ADGRL3: variants seen among roughly 807,000 people sequenced by gnomAD.
The protein encoded by ADGRL3 is adhesion G protein-coupled receptor L3.
A neutral mutation model predicts 153.5 loss-of-function variants in ADGRL3; 62 were observed. The observed-to-expected ratio is 0.40, with a 90% CI of 0.33 to 0.50. The LOEUF is 0.50. Among genes scored for constraint, ADGRL3 ranks in the 20% least tolerant of loss-of-function variants. ADGRL3 has a pLI of 0.47. For missense variants in ADGRL3, 1,641 were observed against 1,859.4 expected, an observed-to-expected ratio of 0.88 and a Z score of 2.16; for synonymous variants, 710 against 672.5, an observed-to-expected ratio of 1.06 and a Z score of -0.86.
intron 19 of ADGRL3, among the ~76,000 whole-genome samples, chr4:61,987,395 G>A (rs772062791): frequency 4.6e-5 from 7 of 151,768 alleles, no homozygotes; most frequent in Admixed American, 1.3e-4. Context: ...GGCTGGTCTC[G>A]AACTCCCAAC....
chr4:61,252,690 CTT>C (rs5858685), intron 1 of ADGRL3, among the ~76,000 whole-genome samples: 46 of 148,026 alleles, frequency 3.1e-4, no homozygotes, highest in Non-Finnish European at 2.8e-4. Context: ...ATTAGATGAA[CTT>C]TTTTTTTTTT....
intron 23 of ADGRL3, among the ~76,000 whole-genome samples, chr4:62,036,176 TTTTGCC>T (rs1724872236): frequency 6.6e-6 from 1 of 152,088 alleles, no homozygotes; most frequent in Non-Finnish European, 1.5e-5. Flanking sequence ...AAATAAGTAA[TTTTGCC>T]ATACCAGAGC....
intron 1 of ADGRL3, among the ~76,000 whole-genome samples, chr4:61,292,207 A>G (rs1038436726): frequency 1.6e-4 from 25 of 152,018 alleles, no homozygotes; most frequent in African/African-American, 5.1e-4. Context: ...AATTAAAACT[A>G]TAACCTTAAG....
chr4:61,985,807 C>T (rs2099083297), intron 19 of ADGRL3, among the ~76,000 whole-genome samples: 1 of 151,714 alleles, frequency 6.6e-6, no homozygotes, highest in Non-Finnish European at 1.5e-5. Flanking sequence ...TCTAAATATG[C>T]CAATAACTAT....
intron 1 of ADGRL3, among the ~76,000 whole-genome samples, chr4:61,267,029 TA>T (rs2149709043): frequency 6.6e-6 from 1 of 151,892 alleles, no homozygotes; most frequent in South Asian, 2.1e-4. Flanking sequence ...ATACTGAGCC[TA>T]ATAGTAGGTT....
intron 3 of ADGRL3, among the ~76,000 whole-genome samples, chr4:61,513,707 A>G (rs539199537): frequency 6.6e-6 from 1 of 152,308 alleles, no homozygotes; most frequent in East Asian, 1.9e-4. Flanking sequence ...TGTATGATTT[A>G]AAAGTTAAAA....
intron 2 of ADGRL3, among the ~76,000 whole-genome samples, chr4:61,490,623 C>A (rs556706841): frequency 1.4e-4 from 22 of 151,802 alleles, no homozygotes; most frequent in African/African-American, 5.1e-4. Context: ...CTCATTGTTG[C>A]TGCTGACTAA....
intron 1 of ADGRL3, among the ~76,000 whole-genome samples, chr4:61,371,245 T>C (rs1457977050): frequency 1.3e-5 from 2 of 151,676 alleles, no homozygotes; most frequent in Non-Finnish European, 2.9e-5. Context: ...AAGTTAATAG[T>C]GTTATGTGTG....
At chr4:61,208,504 C>T (rs546036923) in intron 1 of ADGRL3, among the ~76,000 whole-genome samples, 87 of 152,004 alleles carry the variant, frequency 5.7e-4, no homozygotes, top group African/African-American at 2.0e-3. Context: ...TAATCAATTC[C>T]CCATGTGATT....
At chr4:61,619,047 A>T (rs2149800445) in intron 5 of ADGRL3, among the ~76,000 whole-genome samples, 1 of 152,304 alleles carries the variant, frequency 6.6e-6, no homozygotes, top group South Asian at 2.1e-4. Context: ...ACATTTTTTT[A>T]AATGAGCCTT....
chr4:61,297,414 C>T (rs369748391), intron 1 of ADGRL3, among the ~76,000 whole-genome samples: 2 of 151,684 alleles, frequency 1.3e-5, no homozygotes, highest in Admixed American at 6.6e-5. Context: ...GGAATGGGGA[C>T]GTGTCTATAC....
At chr4:61,716,271 C>T (rs993577785) in intron 6 of ADGRL3, among the ~76,000 whole-genome samples, 2 of 152,058 alleles carry the variant, frequency 1.3e-5, no homozygotes, top group African/African-American at 4.8e-5. Context: ...TAATACATCC[C>T]TCATTGACCC....
intron 2 of ADGRL3, among the ~76,000 whole-genome samples, chr4:61,387,919 T>A (rs1040869706): frequency 2.0e-5 from 3 of 152,144 alleles, no homozygotes; most frequent in Non-Finnish European, 2.9e-5. Context: ...TGTTTAGAGA[T>A]TGCAGTAAAG....
intron 16 of ADGRL3, 51 bp downstream of exon 16, chr4:61,947,173 A>G: frequency 1.5e-6 from 2 of 1,346,916 alleles, no homozygotes; most frequent in Non-Finnish European, 1.1e-6. Flanking sequence ...GTATTTTTAT[A>G]ACACTGAACA....
chr4:61,806,149 G>A (rs2097550136), intron 8 of ADGRL3, among the ~76,000 whole-genome samples: 1 of 152,070 alleles, frequency 6.6e-6, no homozygotes, highest in African/African-American at 2.4e-5. Flanking sequence ...ACACATATGA[G>A]CTGCAGGTGG....
chr4:62,009,924 A>C (rs747484789), intron 21 of ADGRL3, among the ~76,000 whole-genome samples: 18 of 152,124 alleles, frequency 1.2e-4, no homozygotes, highest in African/African-American at 4.3e-4. Context: ...AACTTAGAAA[A>C]GTGCTGTACT....
chr4:61,956,886 A>G (rs991711265), intron 17 of ADGRL3, among the ~76,000 whole-genome samples: 2 of 152,044 alleles, frequency 1.3e-5, no homozygotes, highest in Non-Finnish European at 2.9e-5. Flanking sequence ...GTTCTGTTCC[A>G]TTGGTCTATA....
intron 1 of ADGRL3, among the ~76,000 whole-genome samples, chr4:61,347,314 C>T (rs369627473): frequency 6.6e-6 from 1 of 150,706 alleles, no homozygotes. Context: ...AATTTGATTC[C>T]CCCCAGCGAC....
chr4:61,404,569 T>C (rs900266154), intron 2 of ADGRL3, among the ~76,000 whole-genome samples: 1 of 152,090 alleles, frequency 6.6e-6, no homozygotes, highest in Non-Finnish European at 1.5e-5. Flanking sequence ...TGAATACTTA[T>C]TATTGTGGAG....
Sources: allele counts gnomAD v4.1 joint callset (sites outside exome capture counted in the v4.1 genomes callset), GRCh38; gene constraint gnomAD v4.1.1; transcripts MANE v1.5; gene names NCBI Gene and HGNC (gene_info 2026-07-23, HGNC 2026-07-21).